The following GRB7 variants were observed in gnomAD, a reference collection of about 807,000 sequenced individuals.
GRB7 encodes the protein growth factor receptor-bound protein 7.
GRB7 carries 47 observed loss-of-function variants against 64.1 expected under a neutral mutation model. The ratio of observed to expected loss-of-function variants is 0.73; its 90% CI spans 0.58 to 0.94. GRB7 has a LOEUF of 0.94. Among genes scored for constraint, GRB7 ranks in the 40% least tolerant of loss-of-function variants. The pLI, the probability that GRB7 is intolerant of heterozygous loss-of-function variation, is 0.00. For missense variants in GRB7, 634 were observed against 718.4 expected (o/e 0.88, Z 1.34); for synonymous variants, 277 against 279.9 (o/e 0.99, Z 0.10).
chr17:39,741,222 T>A (rs1212396105), intron 1 of GRB7, among the ~76,000 whole-genome samples: 1 of 152,130 alleles, frequency 6.6e-6, no homozygotes, highest in Non-Finnish European at 1.5e-5. Context: ...CCCCGCACAG[T>A]GCTGAGAGAG....
At chr17:39,740,291 C>T in intron 1 of GRB7, 1 of 365,172 alleles carries the variant, frequency 2.7e-6, no homozygotes, top group Non-Finnish European at 3.8e-6. Context: ...CCTGAGCCCC[C>T]TCCCTGGCCT....
At chr17:39,743,159 G>C in intron 4 of GRB7, 21 bp from the exon 5 acceptor site, 3 of 1,613,578 alleles carry the variant, frequency 1.9e-6, no homozygotes, top group Non-Finnish European at 2.5e-6. Flanking sequence ...AATAACCCCT[G>C]CTTTTTGCCC....
Position 39,745,069 on chromosome 17 carries a change from G to A in GRB7, c.1011+85G>A, listed in dbSNP as rs969138249. Reference sequence around the variant, plus strand: ...CTCAGGAAGTCTCAGGAATGAGGAGGGCATCACAGCCTTGCTCTCTGATAA... The same window carrying A: ...CTCAGGAAGTCTCAGGAATGAGGAGAGCATCACAGCCTTGCTCTCTGATAA... On this transcript the variant is annotated intron_variant, in intron 9 of 14. Transcript: ENST00000309156. The A allele has an allele frequency of 9.8e-6, 12 of 1,227,564 alleles. No homozygotes were observed. The African/African-American group carries it at 1.5e-4, about 15-fold the overall frequency. 76.0% of individuals were successfully genotyped at this position (1,227,564 alleles called of 1,614,324 possible).
chr17:39,741,502 A>G (rs1407167479), intron 1 of GRB7, among the ~76,000 whole-genome samples: 6 of 152,244 alleles, frequency 3.9e-5, no homozygotes, highest in Non-Finnish European at 1.5e-5. Context: ...AACCTCGCCA[A>G]GTATGAACAG....
At chr17:39,743,335 GC>G in intron 5 of GRB7, 34 bp downstream of exon 5, 1 of 1,614,202 alleles carries the variant, frequency 6.2e-7, no homozygotes, top group Non-Finnish European at 8.5e-7. Context: ...GCGCTGGGAT[GC>G]CCTGATCCTC....
rs1470605979 is a variant in GRB7, at chr17:39,745,908, C to G, written c.1271-5C>G. 2.5e-6 allele frequency: 4 copies of G among 1,613,960 alleles called. No individual in the cohort carries two copies. Among genetic ancestry groups the G allele is most frequent in the Admixed American group, 1.7e-5 (1 of 60,018 alleles). On this transcript the variant is annotated splice_region_variant and splice_polypyrimidine_tract_variant and intron_variant, in intron 12 of 14. Transcript: ENST00000309156. ...AGTGACCGCCCATGTCCTTCCCCAC[C>G]ACAGCCATCCACCGCACCCAACTCT...
rs138362707 is a variant in GRB7 at position 39,744,620 on chromosome 17, G to T, written c.869G>T (p.Arg290Leu). ...ESNVYVVTQG[R>L]KLYGMPTDFG... ...AACGTGTACGTGGTGACGCAGGGCC[G>T]CAAGCTCTACGGGATGCCCACTGAC... Residue 290 changes from arginine (R) to leucine (L), a missense_variant, in exon 8 of 15, where the codon CGC becomes CTC. Physicochemically the swap from Arg to Leu is moderately radical, Grantham distance 102. This residue lies in a region of GRB7 where 467 missense variants were observed against 576.6 expected (regional missense o/e 0.81). Transcript: ENST00000309156. 6.2e-7 allele frequency: 1 copy of T among 1,610,800 alleles called. No individual in the cohort carries two copies.
chr17:39,742,531 C>T, intron 2 of GRB7, 35 bp from the exon 3 acceptor site: 1 of 1,613,590 alleles, frequency 6.2e-7, no homozygotes, highest in Non-Finnish European at 8.5e-7. Flanking sequence ...CTGCTCCCTT[C>T]CCCACACCTC....
At chr17:39,744,461 CT>C in intron 7 of GRB7, 91 bp from the exon 8 acceptor site, 1 of 1,071,200 alleles carries the variant, frequency 9.3e-7, no homozygotes, top group Non-Finnish European at 1.4e-6. Flanking sequence ...CTGCCCCTCT[CT>C]GGTCCTGAAA....
chr17:39,746,629 AGAAAG>A (rs1247494440), intron 14 of GRB7, 117 bp from the exon 15 acceptor site: 2 of 1,189,300 alleles, frequency 1.7e-6, no homozygotes, highest in Non-Finnish European at 1.2e-6. Context: ...AAAAAAAAAA[AGAAAG>A]AAAAAGAAAA....
rs1279902833 is a variant in GRB7 at position 39,742,311 on chromosome 17, G to C, written c.10G>C (p.Asp4His). 2 of 1,613,990 alleles carry C rather than the reference G, an allele frequency of 1.2e-6. No individual in the cohort carries two copies. The highest frequency in any genetic ancestry group is 1.3e-5 in the African/African-American group (1 of 74,908). Residue 4 changes from aspartate (D) to histidine (H), a missense_variant, in exon 2 of 15, where the codon GAT (aspartate) becomes CAT (histidine). By Grantham distance (81) the Asp-to-His change is moderately conservative. This residue lies in a region of GRB7 where 167 missense variants were observed against 141.9 expected (regional missense o/e 1.18). Transcript: ENST00000309156. ...CTCTTGCTCAGACGCCATGGAGCTG[G>C]ATCTGTCTCCACCTCATCTTAGCAG... is the stretch of plus-strand genomic sequence containing the variant. MEL[D>H]LSPPHLSSSP...
chr17:39,740,271 C>A, intron 1 of GRB7: 1 of 598,094 alleles, frequency 1.7e-6, no homozygotes, highest in Non-Finnish European at 2.1e-6. Context: ...CGTGCCCCTC[C>A]TGGCAGGACC....
chr17:39,742,762 G>T (rs1487488897), intron 3 of GRB7, 46 bp downstream of exon 3: 3 of 1,531,262 alleles, frequency 2.0e-6, no homozygotes, highest in East Asian at 4.5e-5. Context: ...CGGGTTCTGG[G>T]TCTGTGGGAG....
In GRB7 at chr17:39,747,221, G is replaced by T; in HGVS notation, c.*324G>T. The T allele has an allele frequency of 2.7e-6, 1 of 368,928 alleles. No homozygotes were observed. The highest frequency in any genetic ancestry group is 2.1e-5 in the African/African-American group (1 of 48,364). 22.9% of individuals were successfully genotyped at this position (368,928 alleles called of 1,614,324 possible). A position where few individuals can be genotyped will look rare whatever the true frequency, so the allele number is the denominator to read the frequency against. On this transcript the variant is annotated 3_prime_UTR_variant, in exon 15 of 15. Coordinates refer to ENST00000309156, the MANE Select transcript of GRB7 (RefSeq NM_005310.5). ...GGTTTCACGCCCCACACTTTGTACA[G>T]ACCGAGAGGCCAGTTGATCTGCTCT...
At chr17:39,745,813 G>C (rs773262082) in intron 12 of GRB7, 25 bp downstream of exon 12, 3 of 1,613,828 alleles carry the variant, frequency 1.9e-6, no homozygotes, top group Non-Finnish European at 1.7e-6. Flanking sequence ...CGAGTCCTGG[G>C]GCGGGGGCTG....
chr17:39,738,037 G>A lies in GRB7; in HGVS notation c.-147G>A, dbSNP rs1329104527. 1 of 152,362 alleles carries A rather than the reference G, an allele frequency of 6.6e-6. No individual in the cohort carries two copies. Among genetic ancestry groups the A allele is most frequent in the Non-Finnish European group, 1.5e-5 (1 of 68,072 alleles). The allele number at this position is 152,362 out of a possible 1,614,324, so 9.4% of individuals were successfully genotyped here. A position where few individuals can be genotyped will look rare whatever the true frequency, so the allele number is the denominator to read the frequency against. On this transcript the variant is annotated 5_prime_UTR_variant, in exon 1 of 15. Transcript: ENST00000309156. The stretch of plus-strand genomic sequence containing the variant: ...CCCTCCTACCACCTGTAGAGAAGCG[G>A]GAGTGGATCTGAAATAAAATCCAGG...
rs1464269800 is a variant in GRB7 at position 39,744,496 on chromosome 17, G to T, written c.802-57G>T. On this transcript the variant is annotated intron_variant, in intron 7 of 14. Coordinates refer to ENST00000309156, the MANE Select transcript of GRB7 (RefSeq NM_005310.5). ...AATCTCCCCACCTGGCTTGTGGGGG[G>T]AGGTAATAGTGGGCGGGATCTACCT... 5 of 1,380,174 alleles carry T rather than the reference G, an allele frequency of 3.6e-6. No individual in the cohort carries two copies. The African/African-American group carries it at 4.3e-5, about 12-fold the overall frequency. 85.5% of individuals were successfully genotyped at this position (1,380,174 alleles called of 1,614,324 possible).
intron 1 of GRB7, 91 bp downstream of exon 1, chr17:39,738,224 C>T (rs1302963348): frequency 3.3e-5 from 5 of 152,434 alleles, no homozygotes; most frequent in East Asian, 1.9e-4. Context: ...TCCGGCTGAA[C>T]TGGCCGGCGG....
chr17:39,744,856 A>G (rs1480017062), intron 8 of GRB7, 30 bp from the exon 9 acceptor site: 19 of 1,569,418 alleles, frequency 1.2e-5, no homozygotes, highest in Non-Finnish European at 1.7e-5. Flanking sequence ...AAAGGCAGAT[A>G]TGGGACCAGT....
Sources: allele counts gnomAD v4.1 joint callset (sites outside exome capture counted in the v4.1 genomes callset), GRCh38; gene constraint gnomAD v4.1.1; regional missense constraint gnomAD v4.1.1; transcripts MANE v1.5; gene names NCBI Gene and HGNC (gene_info 2026-07-23, HGNC 2026-07-21).